Variants in VPS13D observed in about 807,000 individuals in gnomAD.
The protein encoded by VPS13D is vacuolar protein sorting 13 homolog D.
VPS13D carries 187 observed loss-of-function variants against 461.9 expected under a neutral mutation model. The observed-to-expected ratio is 0.40, with a 90% CI of 0.36 to 0.46. VPS13D has a LOEUF of 0.46. VPS13D is among the 20% of genes least tolerant of loss of function. VPS13D has a pLI of 0.60. For missense variants in VPS13D, 4,711 were observed against 5,364.9 expected (o/e 0.88, Z 3.81); for synonymous variants, 1,951 against 1,986.3 (o/e 0.98, Z 0.47).
At chr1:12,257,474 A>G (rs184905217) in intron 9 of VPS13D, among the ~76,000 whole-genome samples, 8 of 152,334 alleles carry the variant, frequency 5.3e-5, no homozygotes, top group Non-Finnish European at 8.8e-5. Context: ...TGCAGCCTCC[A>G]TAGCAAAACT....
chr1:12,459,915 A>G (rs1452930414), intron 66 of VPS13D, among the ~76,000 whole-genome samples: 1 of 149,934 alleles, frequency 6.7e-6, no homozygotes, highest in Non-Finnish European at 1.5e-5. Context: ...GGATCGAAAA[A>G]TTGGCCACTG....
In VPS13D at chr1:12,234,348, G is replaced by A. The variant is rs779409580; in HGVS notation, c.82G>A (p.Val28Ile). ...TAACCTGAACACTGACCAGCTCTCAGTTGCACTTCTCAAAGGTGAGTATTT... is the reference window on the plus strand; with the variant it reads ...TAACCTGAACACTGACCAGCTCTCAATTGCACTTCTCAAAGGTGAGTATTT... The part of the protein sequence containing the change: ...VNNLNTDQLS[V>I]ALLKGAVELE... The change falls in exon 2 of 70, where the codon GTT becomes ATT. Residue 28 changes from valine (V) to isoleucine (I), a missense_variant. By Grantham distance (29) the Val-to-Ile change is conservative (BLOSUM62 3). Around this residue, in one of 3 missense-constraint regions of VPS13D, gnomAD observed 4,411 missense variants for 4,937.8 expected, o/e 0.89. Coordinates refer to ENST00000620676, the MANE Select transcript of VPS13D (RefSeq NM_015378.4). The A allele has an allele frequency of 6.2e-7, 1 of 1,613,954 alleles. No homozygotes were observed. Among genetic ancestry groups the A allele is most frequent in the South Asian group, 1.1e-5 (1 of 91,074 alleles).
At chr1:12,363,931 G>A (rs1643990762) in intron 52 of VPS13D, among the ~76,000 whole-genome samples, 2 of 112,472 alleles carry the variant, frequency 1.8e-5, no homozygotes, top group African/African-American at 7.2e-5. Context: ...CCAGTCAGGC[G>A]ACAGAGTAAG....
In VPS13D at chr1:12,507,075, C is replaced by T. The variant is rs1450865969; in HGVS notation, c.13017C>T (p.Pro4339=). ...GCAGTGGAGTGTCCATCCCCGGCCC[C>T]TCCCACCAGAAGCCCATGGTGAGTG... The part of the protein sequence containing the change: ...STSSGVSIPG[P]SHQKPMVHVK... The change falls in exon 69 of 70, where the codon CCC becomes CCT. Residue 4339 remains proline (P), a synonymous_variant. Coordinates refer to ENST00000620676, the MANE Select transcript of VPS13D (RefSeq NM_015378.4). The surrounding 1 kb of genome is among the most constrained non-coding windows in gnomAD (Gnocchi z 5.3). 1 of 1,614,126 alleles carries T rather than the reference C, an allele frequency of 6.2e-7. No homozygotes were observed. The highest frequency in any genetic ancestry group is 1.3e-5 in the African/African-American group (1 of 74,946).
intron 65 of VPS13D, among the ~76,000 whole-genome samples, chr1:12,418,851 G>C (rs2100247120): frequency 6.6e-6 from 1 of 152,274 alleles, no homozygotes; most frequent in African/African-American, 2.4e-5. Flanking sequence ...ATCAGGGCCA[G>C]TTTGACTCTT....
In VPS13D at chr1:12,267,724, A is replaced by C. The variant is rs170954; in HGVS notation, c.1726-121A>C. On this transcript the variant is annotated intron_variant, in intron 14 of 69. Transcript: ENST00000620676. The stretch of plus-strand genomic sequence containing the variant: ...ATTCTGCAAGTAGTCAATCTGAGGT[A>C]AAGTGAGTTTTGATTTGATGGTGCT... 2,491 of 869,002 alleles carry C rather than the reference A, an allele frequency of 2.9e-3. 34 individuals are homozygous for C. The African/African-American group carries it at 0.037, about 13-fold the overall frequency. 53.8% of individuals were successfully genotyped at this position (869,002 alleles called of 1,614,324 possible).
chr1:12,451,360 T>C (rs1213963577), intron 65 of VPS13D, among the ~76,000 whole-genome samples: 1 of 152,242 alleles, frequency 6.6e-6, no homozygotes, highest in Non-Finnish European at 1.5e-5. Context: ...TATTGCTTTA[T>C]AGAAGTTAAT....
Position 12,299,333 on chromosome 1 carries a change from A to G in VPS13D, c.6165A>G (p.Lys2055=). The G allele has an allele frequency of 4.3e-6, 7 of 1,613,946 alleles. No individual in the cohort carries two copies. The highest frequency in any genetic ancestry group is 5.9e-6 in the Non-Finnish European group (7 of 1,179,972). The change falls in exon 25 of 70, where the codon AAA becomes AAG. Residue 2055 remains lysine (K), a synonymous_variant. Coordinates refer to ENST00000620676, the MANE Select transcript of VPS13D (RefSeq NM_015378.4). This position sits in a 1 kb window ranked among gnomAD's most constrained non-coding sequence, Gnocchi z 4.2. ...IVANLGKLKV[K]NKFLFAGFPG... Reference sequence around the variant, plus strand: ...CAAATTTGGGGAAGTTGAAAGTCAAAAATAAGTTTCTGTTTGCTGGTTTTC... The same window carrying G: ...CAAATTTGGGGAAGTTGAAAGTCAAGAATAAGTTTCTGTTTGCTGGTTTTC...
intron 67 of VPS13D, among the ~76,000 whole-genome samples, chr1:12,471,549 C>T (rs1645563267): frequency 6.6e-6 from 1 of 152,118 alleles, no homozygotes; most frequent in Admixed American, 6.5e-5. Flanking sequence ...AGGTATTTAC[C>T]TTTATATTTC....
rs4845898 is a variant in VPS13D, at chr1:12,279,562, A to T, written c.4514A>T (p.Glu1505Val). The T allele has an allele frequency of 0.22, 354,483 of 1,611,946 alleles. 40,674 individuals are homozygous for T. The highest frequency in any genetic ancestry group is 0.27 in the Middle Eastern group (1,649 of 6,034). Reference protein sequence around the residue: ...FKLEKIPIERESELTFSLSPD... With the variant: ...FKLEKIPIERVSELTFSLSPD... Reference sequence around the variant, plus strand: ...CTGGAGAAGATCCCTATAGAGAGAGAATCTGAATTGACTTTTTCTCTTAGC... The same window carrying T: ...CTGGAGAAGATCCCTATAGAGAGAGTATCTGAATTGACTTTTTCTCTTAGC... The change falls in exon 20 of 70, where the codon GAA becomes GTA. Residue 1505 changes from glutamate to valine, a missense_variant. Around this residue, in one of 3 missense-constraint regions of VPS13D, gnomAD observed 4,411 missense variants for 4,937.8 expected, o/e 0.89. Transcript: ENST00000620676. The surrounding 1 kb of genome is among the most constrained non-coding windows in gnomAD (Gnocchi z 4.3).
intron 23 of VPS13D, among the ~76,000 whole-genome samples, chr1:12,293,284 G>A (rs1164844641): frequency 6.6e-6 from 1 of 152,198 alleles, no homozygotes; most frequent in East Asian, 1.9e-4. Flanking sequence ...GGTGGCCTCT[G>A]AGTGACCTCA....
chr1:12,450,002 G>A (rs939490638), intron 65 of VPS13D, among the ~76,000 whole-genome samples: 7 of 152,060 alleles, frequency 4.6e-5, no homozygotes, highest in Admixed American at 2.6e-4. Flanking sequence ...GCACACAACT[G>A]TAATCCCTGC....
chr1:12,506,741 G>T, intron 68 of VPS13D, 112 bp from the exon 69 acceptor site: 1 of 1,375,072 alleles, frequency 7.3e-7, no homozygotes. Context: ...TTCCCGGCAA[G>T]GGGGCCGGGA....
rs1164414853 is a variant in VPS13D at position 12,277,581 on chromosome 1, C to A, written c.3993C>A (p.Thr1331=). The change falls in exon 19 of 70, where the codon ACC becomes ACA. Residue 1331 remains threonine (T), a synonymous_variant. Transcript: ENST00000620676. ...AATKVTTVLA[T]KTAEYSEMVS... is the part of the protein sequence containing the mutation. ...CCAAAGTCACCACAGTACTAGCTAC[C>A]AAGACTGCCGAGTATAGCGAGATGG... 2 of 1,613,918 alleles carry A rather than the reference C, an allele frequency of 1.2e-6. No individual in the cohort carries two copies. The highest frequency in any genetic ancestry group is 2.7e-5 in the African/African-American group (2 of 75,048).
intron 67 of VPS13D, among the ~76,000 whole-genome samples, chr1:12,465,690 T>C (rs1378834280): frequency 6.6e-6 from 1 of 152,190 alleles, no homozygotes. Context: ...GTGAATGACC[T>C]CTTAGATGTG....
chr1:12,468,269 G>A (rs968929521), intron 67 of VPS13D, among the ~76,000 whole-genome samples: 1 of 152,206 alleles, frequency 6.6e-6, no homozygotes, highest in South Asian at 2.1e-4. Context: ...CATTAGAGAA[G>A]GTTGAAGAGC....
intron 2 of VPS13D, among the ~76,000 whole-genome samples, chr1:12,234,585 C>CA (rs1173795706): frequency 2.0e-5 from 3 of 152,118 alleles, no homozygotes; most frequent in Non-Finnish European, 4.4e-5. Context: ...AAAACAAAAA[C>CA]AAAATAAGCT....
intron 68 of VPS13D, 115 bp from the exon 69 acceptor site, chr1:12,506,738 C>T: frequency 2.2e-6 from 3 of 1,374,118 alleles, no homozygotes; most frequent in African/African-American, 1.5e-5. Context: ...TATTTCCCGG[C>T]AAGGGGGCCG....
At chr1:12,420,434 G>A (rs1381431794) in intron 65 of VPS13D, among the ~76,000 whole-genome samples, 3 of 152,178 alleles carry the variant, frequency 2.0e-5, no homozygotes, top group Non-Finnish European at 2.9e-5. Context: ...GGTCAGAGGG[G>A]ACAGAACTGC....
Sources: allele counts gnomAD v4.1 joint callset (sites outside exome capture counted in the v4.1 genomes callset), GRCh38; gene constraint gnomAD v4.1.1; regional missense constraint gnomAD v4.1.1; non-coding constraint Gnocchi (gnomAD v3.1); transcripts MANE v1.5; gene names NCBI Gene and HGNC (gene_info 2026-07-23, HGNC 2026-07-21).